The following SLC4A8 variants were observed in gnomAD, a reference collection of about 807,000 sequenced individuals.
SLC4A8 encodes the protein electroneutral sodium bicarbonate exchanger 1.
In SLC4A8, 40 loss-of-function variants were observed where a neutral mutation model predicts 125.0. The observed-to-expected ratio is 0.32, with a 90% CI of 0.25 to 0.42. The LOEUF is 0.42. Among genes scored for constraint, SLC4A8 ranks in the 10% least tolerant of loss-of-function variants. The pLI is 1.00. For missense variants in SLC4A8, 863 were observed against 1,355.1 expected, an observed-to-expected ratio of 0.64 and a Z score of 5.70; for synonymous variants, 456 against 476.0, an observed-to-expected ratio of 0.96 and a Z score of 0.55.
At chr12:51,486,255 G>T (rs1032408582) in intron 17 of SLC4A8, among the ~76,000 whole-genome samples, 1 of 152,070 alleles carries the variant, frequency 6.6e-6, no homozygotes, top group African/African-American at 2.4e-5. Flanking sequence ...AACAAGCCTC[G>T]TTAACAGCAC....
At chr12:51,401,684 C>T (rs1432006059) in intron 1 of SLC4A8, among the ~76,000 whole-genome samples, 1 of 152,128 alleles carries the variant, frequency 6.6e-6, no homozygotes, top group African/African-American at 2.4e-5. Flanking sequence ...TGGTGGGCCA[C>T]GGTGGTCTTG....
intron 19 of SLC4A8, among the ~76,000 whole-genome samples, chr12:51,492,724 C>A (rs1377585343): frequency 6.6e-6 from 1 of 152,088 alleles, no homozygotes; most frequent in Non-Finnish European, 1.5e-5. Context: ...GCAAAACGTG[C>A]AGGTTTGTTA....
upstream of SLC4A8, among the ~76,000 whole-genome samples, chr12:51,421,518 G>A (rs1411039509): frequency 6.6e-6 from 1 of 152,180 alleles, no homozygotes; most frequent in Admixed American, 6.5e-5. Context: ...CATTTGTACT[G>A]GAGAGAAGTC....
chr12:51,393,023 C>T (rs573268675), intron 1 of SLC4A8, among the ~76,000 whole-genome samples: 1 of 151,400 alleles, frequency 6.6e-6, no homozygotes, highest in African/African-American at 2.4e-5. Context: ...TGCCCCGCCT[C>T]CCTCCTTTTT....
intron 6 of SLC4A8, among the ~76,000 whole-genome samples, chr12:51,458,285 T>G (rs1344822763): frequency 2.6e-5 from 4 of 152,160 alleles, no homozygotes; most frequent in African/African-American, 7.2e-5. Context: ...CATATGCATG[T>G]CTGGTGAAGG....
intron 11 of SLC4A8, among the ~76,000 whole-genome samples, chr12:51,466,008 A>G (rs911834571): frequency 1.3e-5 from 2 of 152,204 alleles, no homozygotes; most frequent in African/African-American, 4.8e-5. Context: ...ATGTTGCACA[A>G]CCTTGGAGCA....
chr12:51,483,857 T>C (rs982563311), intron 16 of SLC4A8, among the ~76,000 whole-genome samples: 1 of 152,126 alleles, frequency 6.6e-6, no homozygotes, highest in African/African-American at 2.4e-5. Flanking sequence ...TCATTTACAT[T>C]AGGTATATCT....
At chr12:51,446,520 C>T (rs886128475) in intron 2 of SLC4A8, among the ~76,000 whole-genome samples, 6 of 152,178 alleles carry the variant, frequency 3.9e-5, no homozygotes, top group African/African-American at 1.4e-4. Context: ...AAGTTGAGTG[C>T]AGCCTTAGGA....
At chr12:51,459,473 C>T (rs911205463) in intron 7 of SLC4A8, among the ~76,000 whole-genome samples, 3 of 151,354 alleles carry the variant, frequency 2.0e-5, no homozygotes, top group African/African-American at 4.9e-5. Flanking sequence ...TTAAGTGGGA[C>T]GAATACAATC....
intron 14 of SLC4A8, among the ~76,000 whole-genome samples, chr12:51,473,685 A>G (rs1379633218): frequency 1.3e-5 from 2 of 152,176 alleles, no homozygotes; most frequent in African/African-American, 2.4e-5. Context: ...GGGAGGCAAC[A>G]TGGTGGCCAA....
intron 19 of SLC4A8, among the ~76,000 whole-genome samples, chr12:51,490,562 C>CAAAAA (rs767679317): frequency 2.7e-5 from 1 of 37,558 alleles, no homozygotes; most frequent in Non-Finnish European, 5.2e-5. Context: ...GACTCCATCT[C>CAAAAA]AAAAAAAAAA....
At chr12:51,424,063 CAACAAA>C (rs1565762234), upstream of SLC4A8, among the ~76,000 whole-genome samples, 22 of 107,054 alleles carry the variant, frequency 2.1e-4, no homozygotes, top group African/African-American at 8.0e-4. Flanking sequence ...ACAAAAAAAA[CAACAAA>C]AAAAAAACAA....
chr12:51,475,153 A>G lies in SLC4A8; in HGVS notation c.2119A>G (p.Ile707Val), dbSNP rs200106666. ...CTGTATTCTCTTTTTCACCACCTTC[A>G]TCCTCTCAAGCACCTTAAAGACGTT... ...WSCILFFTTF[I>V]LSSTLKTFKT... Residue 707 changes from isoleucine to valine, a missense_variant, in exon 16 of 25, where the codon ATC becomes GTC. By Grantham distance (29) the Ile-to-Val change is conservative. Around this residue, in one of 6 missense-constraint regions of SLC4A8, gnomAD observed 197 missense variants for 377.7 expected, o/e 0.52. Coordinates refer to ENST00000453097, the MANE Select transcript of SLC4A8 (RefSeq NM_001039960.3). 6 of 1,614,020 alleles carry G rather than the reference A, an allele frequency of 3.7e-6. No homozygotes were observed. In the East Asian group the frequency reaches 1.3e-4, roughly 36 times the overall value.
chr12:51,487,322 T>C (rs1305844926), intron 17 of SLC4A8, among the ~76,000 whole-genome samples: 1 of 152,202 alleles, frequency 6.6e-6, no homozygotes, highest in Non-Finnish European at 1.5e-5. Context: ...ATTAAGGGTT[T>C]ATTTAATAAG....
intron 1 of SLC4A8, among the ~76,000 whole-genome samples, chr12:51,395,870 A>G (rs1164164565): frequency 6.6e-6 from 1 of 152,218 alleles, no homozygotes; most frequent in Non-Finnish European, 1.5e-5. Flanking sequence ...ATAACACATG[A>G]AAGTGTGAGA....
chr12:51,463,004 A>C (rs1205135107), intron 10 of SLC4A8: 2 of 152,788 alleles, frequency 1.3e-5, no homozygotes, highest in Non-Finnish European at 2.9e-5. Context: ...AATAATGTGA[A>C]ATAGAAGAGA....
chr12:51,484,536 T>C (rs1028624891), intron 16 of SLC4A8, among the ~76,000 whole-genome samples: 1 of 152,124 alleles, frequency 6.6e-6, no homozygotes, highest in Non-Finnish European at 1.5e-5. Context: ...AGAATTTATA[T>C]TGCATTCAGA....
chr12:51,442,483 TTCCA>T (rs1949631342), intron 2 of SLC4A8, among the ~76,000 whole-genome samples: 1 of 152,168 alleles, frequency 6.6e-6, no homozygotes. Context: ...TAACAACTGG[TTCCA>T]TCCACGGAGA....
intron 22 of SLC4A8, chr12:51,497,871 A>AAAAAAAAAAAAAG (rs1390877700): frequency 7.4e-6 from 1 of 134,738 alleles, no homozygotes; most frequent in African/African-American, 2.7e-5. Context: ...CTACAAAAAA[A>AAAAAAAAAAAAAG]AAAAGAAAAG....
Sources: gnomAD v4.1 joint callset for allele counts (sites outside exome capture counted in the v4.1 genomes callset) on GRCh38, gnomAD v4.1.1 for gene constraint, gnomAD v4.1.1 regional missense constraint, MANE v1.5 for transcripts, NCBI Gene and HGNC (gene_info 2026-07-23, HGNC 2026-07-21) for gene names.